RAB11FIP5: variants seen among roughly 807,000 people sequenced by gnomAD.
RAB11FIP5 encodes rab11 family-interacting protein 5.
A neutral mutation model predicts 85.1 loss-of-function variants in RAB11FIP5; 48 were observed. The observed-to-expected ratio is 0.56, with a 90% CI of 0.45 to 0.72. RAB11FIP5 has a LOEUF of 0.72. Among genes scored for constraint, RAB11FIP5 ranks in the 30% least tolerant of loss-of-function variants. The probability of loss-of-function intolerance (pLI) is 0.00; values close to 1 mark genes in which losing one functional copy is unlikely to be tolerated. For synonymous variants in RAB11FIP5, 729 were observed against 727.3 expected, an observed-to-expected ratio of 1.00 and a Z score of -0.04; for missense variants, 1,491 against 1,687.0, an observed-to-expected ratio of 0.88 and a Z score of 2.04.
At position 73,074,918 on chromosome 2, in the gene RAB11FIP5, A is replaced by G; in HGVS notation, c.*603T>C. 3.1e-6 allele frequency: 1 copy of G among 325,924 alleles called. No individual in the cohort carries two copies. Among genetic ancestry groups the G allele is most frequent in the Non-Finnish European group, 6.1e-6 (1 of 165,282 alleles). 20.2% of individuals were successfully genotyped at this position (325,924 alleles called of 1,614,324 possible). On this transcript the variant is annotated 3_prime_UTR_variant, in exon 6 of 6. Transcript: ENST00000486777. Reference sequence around the variant, plus strand: ...CTGTCCACATGGCACTCGCCCCACAAACAGCTCCAGACTGAAGCAGACTCA... The same window carrying G: ...CTGTCCACATGGCACTCGCCCCACAGACAGCTCCAGACTGAAGCAGACTCA...
At chr2:73,101,617 G>T (rs1343998028) in intron 1 of RAB11FIP5, among the ~76,000 whole-genome samples, 2 of 152,164 alleles carry the variant, frequency 1.3e-5, no homozygotes, top group African/African-American at 4.8e-5. Context: ...GCGGAGGTCA[G>T]AGCGTGTCTT....
In RAB11FIP5 at chr2:73,089,423, T is replaced by C. The variant is rs1684164668; in HGVS notation, c.432-108A>G. 2 of 1,134,488 alleles carry C rather than the reference T, an allele frequency of 1.8e-6. No individual in the cohort carries two copies. The highest frequency in any genetic ancestry group is 2.6e-6 in the Non-Finnish European group (2 of 755,954). The allele number at this position is 1,134,488 out of a possible 1,614,324, so 70.3% of individuals were successfully genotyped here. Reference sequence around the variant, plus strand: ...CCCTCCTTGCTCTGAGAGCCACTGATAGCCTCTCCCCAAAGGCTCCTGCTC... The same window carrying C: ...CCCTCCTTGCTCTGAGAGCCACTGACAGCCTCTCCCCAAAGGCTCCTGCTC... On this transcript the variant is annotated intron_variant, in intron 1 of 5. Transcript: ENST00000486777. This position sits in a 1 kb window ranked among gnomAD's most constrained non-coding sequence, Gnocchi z 4.6.
intron 1 of RAB11FIP5, among the ~76,000 whole-genome samples, chr2:73,106,255 C>T (rs528029610): frequency 5.0e-4 from 76 of 152,310 alleles, no homozygotes; most frequent in Admixed American, 1.7e-3. Flanking sequence ...TGCACCAAAA[C>T]AGGTGCCACA....
At chr2:73,101,304 G>A (rs183684111) in intron 1 of RAB11FIP5, among the ~76,000 whole-genome samples, 172 of 152,148 alleles carry the variant, frequency 1.1e-3, no homozygotes, top group Admixed American at 3.3e-3. Flanking sequence ...ACGGAGGGGC[G>A]GGAACTTCCA....
chr2:73,076,280 A>G, intron 4 of RAB11FIP5, 98 bp from the exon 5 acceptor site: 1 of 1,184,708 alleles, frequency 8.4e-7, no homozygotes, highest in Non-Finnish European at 1.2e-6. Context: ...TCTGCTGGAC[A>G]GAAAGCCCAG....
Position 73,108,864 on chromosome 2 carries a change from C to A in RAB11FIP5, c.431+3483G>T, listed in dbSNP as rs1203378083. 2.0e-5 allele frequency among the ~76,000 whole-genome samples: 3 copies of A among 152,060 alleles called. No individual in the cohort carries two copies. In the South Asian group the frequency reaches 6.2e-4, roughly 31 times the overall value. On this transcript the variant is annotated intron_variant, in intron 1 of 5. Coordinates refer to ENST00000486777, the MANE Select transcript of RAB11FIP5 (RefSeq NM_001371272.1). Reference sequence around the variant, plus strand: ...TTTGAGAACAGCCTGGCCAACATGGCAAAACCCAGTCTCTACTAAAAATAC... The same window carrying A: ...TTTGAGAACAGCCTGGCCAACATGGAAAAACCCAGTCTCTACTAAAAATAC...
At chr2:73,101,290 T>C (rs1425325244) in intron 1 of RAB11FIP5, among the ~76,000 whole-genome samples, 3 of 151,326 alleles carry the variant, frequency 2.0e-5, no homozygotes, top group Non-Finnish European at 4.4e-5. Flanking sequence ...GGTGATAGCA[T>C]GAAACGGAGG....
At chr2:73,079,095 TC>T (rs1355728610) in intron 4 of RAB11FIP5, among the ~76,000 whole-genome samples, 1 of 152,174 alleles carries the variant, frequency 6.6e-6, no homozygotes, top group African/African-American at 2.4e-5. Context: ...TCCTTTTTCT[TC>T]TGAAGGTGTC....
At position 73,088,131 on chromosome 2, in the gene RAB11FIP5, T is replaced by C. The variant is rs140475519; in HGVS notation, c.1487A>G (p.His496Arg). The change falls in exon 3 of 6, where the codon CAT becomes CGT. Residue 496 changes from histidine (H) to arginine (R), a missense_variant. Around this residue, in one of 3 missense-constraint regions of RAB11FIP5, gnomAD observed 1,211 missense variants for 1,338.0 expected, o/e 0.91. Coordinates refer to ENST00000486777, the MANE Select transcript of RAB11FIP5 (RefSeq NM_001371272.1). Reference sequence around the variant, plus strand: ...CTTTTCCTCCCCACTGGATGAGTGATGTGGGGAGGCCCCCAGGATGGGACC... The same window carrying C: ...CTTTTCCTCCCCACTGGATGAGTGACGTGGGGAGGCCCCCAGGATGGGACC... ...KGGPILGASPHHSSSGEEKAK... is the reference protein window; with the variant it reads ...KGGPILGASPRHSSSGEEKAK... 1.7e-5 allele frequency: 27 copies of C among 1,613,938 alleles called. No individual in the cohort carries two copies. Among genetic ancestry groups the C allele is most frequent in the Non-Finnish European group, 2.1e-5 (25 of 1,180,004 alleles).
Position 73,091,855 on chromosome 2 carries a change from C to T in RAB11FIP5, c.432-2540G>A, listed in dbSNP as rs1239787399. Among the ~76,000 whole-genome samples, 7 of 152,178 alleles carry T rather than the reference C, an allele frequency of 4.6e-5. No individual in the cohort carries two copies. The East Asian group carries it at 1.3e-3, about 29-fold the overall frequency. ...CTAGACTTTGGTTTTCCCTCCCAAA[C>T]CTGAGAGACAATCCCCTGAGAAGGC... is the stretch of plus-strand genomic sequence containing the variant. On this transcript the variant is annotated intron_variant, in intron 1 of 5. Transcript: ENST00000486777.
At position 73,075,955 on chromosome 2, in the gene RAB11FIP5, A is replaced by C; in HGVS notation, c.3771+38T>G. The C allele has an allele frequency of 6.3e-7, 1 of 1,587,142 alleles. No individual in the cohort carries two copies. Among genetic ancestry groups the C allele is most frequent in the Non-Finnish European group, 8.6e-7 (1 of 1,162,828 alleles). ...ACCAAGCCCTGAGACTCCACCACAC[A>C]TTCTGTCAGATGGCCCCCACACCCT... On this transcript the variant is annotated intron_variant, in intron 5 of 5. Coordinates refer to ENST00000486777, the MANE Select transcript of RAB11FIP5 (RefSeq NM_001371272.1). This position sits in a 1 kb window ranked among gnomAD's most constrained non-coding sequence, Gnocchi z 4.6.
Position 73,081,405 on chromosome 2 carries a change from G to A in RAB11FIP5, c.1827C>T (p.Phe609=), listed in dbSNP as rs777896741. ...GTGCTATGTCGGCTATGAGCTCCTC[G>A]AAGAAGGGGTTGCTCTGCAAAGAGG... ...FLTSLQSNPF[F]EELIADIALN... Residue 609 remains phenylalanine, a synonymous_variant, in exon 4 of 6, where the codon TTC becomes TTT. Coordinates refer to ENST00000486777, the MANE Select transcript of RAB11FIP5 (RefSeq NM_001371272.1). This position sits in a 1 kb window ranked among gnomAD's most constrained non-coding sequence, Gnocchi z 4.2. 6.5e-6 allele frequency: 8 copies of A among 1,232,468 alleles called. No homozygotes were observed. The highest frequency in any genetic ancestry group is 8.4e-5 in the Admixed American group (2 of 23,700). The allele number at this position is 1,232,468 out of a possible 1,614,324, so 76.3% of individuals were successfully genotyped here.
In RAB11FIP5 at chr2:73,104,760, T is replaced by C. The variant is rs74347613; in HGVS notation, c.431+7587A>G. 1.3e-3 allele frequency among the ~76,000 whole-genome samples: 194 copies of C among 152,278 alleles called. 5 individuals carry two copies. The East Asian group carries it at 0.035, about 27-fold the overall frequency. On this transcript the variant is annotated intron_variant, in intron 1 of 5. Transcript: ENST00000486777. ...CAGGTCTCACCTGTTATTCAAGGCCTCACCTCTCCCAAGAAGCCCACCCTG... is the reference window on the plus strand; with the variant it reads ...CAGGTCTCACCTGTTATTCAAGGCCCCACCTCTCCCAAGAAGCCCACCCTG...
chr2:73,091,565 G>T (rs1684211245), intron 1 of RAB11FIP5, among the ~76,000 whole-genome samples: 1 of 152,208 alleles, frequency 6.6e-6, no homozygotes, highest in African/African-American at 2.4e-5. Flanking sequence ...TGAGCTTCTG[G>T]TGGACACAGA....
rs1252318091 is a variant in RAB11FIP5, at chr2:73,081,093, T to TC, written c.2138dup (p.Gly714ArgfsTer26). 3.1e-3 allele frequency: 3,719 copies of TC among 1,214,432 alleles called. 88 individuals carry two copies. In the African/African-American group the frequency reaches 0.065, roughly 21 times the overall value. The allele number at this position is 1,214,432 out of a possible 1,614,324, so 75.2% of individuals were successfully genotyped here. On this transcript the variant is annotated frameshift_variant, in exon 4 of 6. Coordinates refer to ENST00000486777, the MANE Select transcript of RAB11FIP5 (RefSeq NM_001371272.1). LOFTEE classifies it high-confidence loss of function. The surrounding 1 kb of genome is among the most constrained non-coding windows in gnomAD (Gnocchi z 4.2). ...GCTCCAGCCACACGCTGCTCCCACC[T>TC]CTTCCTCCTCCTCCTCCTCCTCCTC...
In RAB11FIP5 at chr2:73,080,355, C is replaced by T. The variant is rs1683949232; in HGVS notation, c.2877G>A (p.Glu959=). 2.4e-6 allele frequency: 3 copies of T among 1,232,868 alleles called. No individual in the cohort carries two copies. The East Asian group carries it at 9.5e-5, about 39-fold the overall frequency. 76.4% of individuals were successfully genotyped at this position (1,232,868 alleles called of 1,614,324 possible). A position where few individuals can be genotyped will look rare whatever the true frequency, so the allele number is the denominator to read the frequency against. Residue 959 remains glutamate, a synonymous_variant, in exon 4 of 6, where the codon GAG becomes GAA. Transcript: ENST00000486777. ...TTGCAGAGGAGCAGCTGTCAGACTC[C>T]TCCGACTCACGCTTCTCTCCCTCCT... ...TKEEGEKRES[E]ESDSCSSATL... is the part of the protein sequence containing the mutation.
At chr2:73,099,238 C>T (rs545696808) in intron 1 of RAB11FIP5, among the ~76,000 whole-genome samples, 1 of 152,042 alleles carries the variant, frequency 6.6e-6, no homozygotes, top group African/African-American at 2.4e-5. Flanking sequence ...TTAGTAGAGA[C>T]GTGGTTTCAC....
intron 3 of RAB11FIP5, among the ~76,000 whole-genome samples, chr2:73,087,293 A>G (rs1315381993): frequency 2.0e-5 from 3 of 152,162 alleles, no homozygotes; most frequent in Admixed American, 2.0e-4. Flanking sequence ...CCTGGCTCAG[A>G]ATTAGGAGGA....
Position 73,112,696 on chromosome 2 carries a change from C to G in RAB11FIP5, c.82G>C (p.Ala28Pro), listed in dbSNP as rs780073763. The G allele has an allele frequency of 6.3e-7, 1 of 1,575,840 alleles. No individual in the cohort carries two copies. The highest frequency in any genetic ancestry group is 8.6e-7 in the Non-Finnish European group (1 of 1,163,204). ...PTHVQVTVLR[A>P]RGLRGKSSGA... ...GAGCTCTTGCCCCGCAGCCCGCGGG[C>G]CCGCAGCACCGTCACCTGGACGTGC... is the stretch of plus-strand genomic sequence containing the variant. Residue 28 changes from alanine (A) to proline (P), a missense_variant, in exon 1 of 6, where the codon GCC becomes CCC. Physicochemically the swap from Ala to Pro is conservative, Grantham distance 27. This residue lies in a region of RAB11FIP5 where 1,211 missense variants were observed against 1,338.0 expected (regional missense o/e 0.91). Transcript: ENST00000486777.
Sources: gnomAD v4.1 joint callset for allele counts (sites outside exome capture counted in the v4.1 genomes callset) on GRCh38, gnomAD v4.1.1 for gene constraint, gnomAD v4.1.1 regional missense constraint, Gnocchi (gnomAD v3.1) non-coding constraint, MANE v1.5 for transcripts, NCBI Gene and HGNC (gene_info 2026-07-23, HGNC 2026-07-21) for gene names.